CTNNA1: variants seen among roughly 807,000 people sequenced by gnomAD.
CTNNA1 encodes the protein catenin alpha-1.
A neutral mutation model predicts 98.4 loss-of-function variants in CTNNA1; 37 were observed. That is an observed-to-expected ratio of 0.38 (90% CI 0.29 to 0.49). The LOEUF (loss-of-function observed/expected upper bound fraction) is 0.49, where lower values mean the gene tolerates loss of function less well. Among genes scored for constraint, CTNNA1 ranks in the 20% least tolerant of loss-of-function variants. CTNNA1 has a pLI of 0.95. For missense variants in CTNNA1, 761 were observed against 1,147.2 expected, an observed-to-expected ratio of 0.66 and a Z score of 4.86; for synonymous variants, 404 against 413.2, an observed-to-expected ratio of 0.98 and a Z score of 0.27.
intron 10 of CTNNA1, among the ~76,000 whole-genome samples, chr5:138,909,938 A>G (rs575256772): frequency 3.9e-5 from 6 of 152,216 alleles, no homozygotes; most frequent in Middle Eastern, 3.4e-3. Context: ...TTATTTCACA[A>G]TCATGGGACC....
At chr5:138,890,929 C>A (rs141571151) in intron 9 of CTNNA1, among the ~76,000 whole-genome samples, 1 of 152,286 alleles carries the variant, frequency 6.6e-6, no homozygotes, top group African/African-American at 2.4e-5. Flanking sequence ...ATAATACCTC[C>A]CCATCTTAAA....
In CTNNA1 at chr5:138,874,910, ATTC is replaced by A; in HGVS notation, c.1063-11297_1063-11295del. 1 of 1,613,506 alleles carries A rather than the reference ATTC, an allele frequency of 6.2e-7. No homozygotes were observed. The highest frequency in any genetic ancestry group is 1.3e-5 in the African/African-American group (1 of 75,048). Reference sequence around the variant, plus strand: ...GACATATAAATGCACAGACTTACCCATTCTTCTGAGCACATTGGAGGCTGCATT... The same window carrying A: ...GACATATAAATGCACAGACTTACCCATTCTGAGCACATTGGAGGCTGCATT... On this transcript the variant is annotated intron_variant, in intron 7 of 17. Transcript: ENST00000302763. The surrounding 1 kb of genome is among the most constrained non-coding windows in gnomAD (Gnocchi z 4.1).
At chr5:138,927,454 G>T (rs1455258670) in intron 13 of CTNNA1, among the ~76,000 whole-genome samples, 1 of 151,894 alleles carries the variant, frequency 6.6e-6, no homozygotes, top group Non-Finnish European at 1.5e-5. Flanking sequence ...CTTCCCCACG[G>T]CCTCTATGCT....
At chr5:138,876,479 T>C (rs1440993923) in intron 7 of CTNNA1, among the ~76,000 whole-genome samples, 1 of 152,246 alleles carries the variant, frequency 6.6e-6, no homozygotes, top group Non-Finnish European at 1.5e-5. Context: ...ATGTTTAGTG[T>C]TATATAAATG....
intron 3 of CTNNA1, among the ~76,000 whole-genome samples, chr5:138,787,009 G>T (rs1755783595): frequency 6.6e-6 from 1 of 152,222 alleles, no homozygotes; most frequent in Non-Finnish European, 1.5e-5. Context: ...GCCATCCACT[G>T]AAACACTTAA....
chr5:138,818,268 T>G (rs1581142675), intron 5 of CTNNA1, among the ~76,000 whole-genome samples: 2 of 13,512 alleles, frequency 1.5e-4, no homozygotes, highest in South Asian at 5.0e-3. Context: ...CATATCCAGC[T>G]TTTTTTTTTT....
intron 17 of CTNNA1, chr5:138,933,098 C>T: frequency 1.5e-6 from 1 of 669,502 alleles, no homozygotes; most frequent in East Asian, 2.6e-5. Flanking sequence ...GGCACCACTG[C>T]ACTCCCGTCT....
intron 1 of CTNNA1, among the ~76,000 whole-genome samples, chr5:138,757,803 G>A (rs1166817219): frequency 6.6e-6 from 1 of 152,126 alleles, no homozygotes; most frequent in African/African-American, 2.4e-5. Flanking sequence ...GGAGGAAAAA[G>A]TCTTTTCTGC....
intron 3 of CTNNA1, among the ~76,000 whole-genome samples, chr5:138,789,957 T>C (rs924602226): frequency 6.6e-6 from 1 of 152,178 alleles, no homozygotes; most frequent in Non-Finnish European, 1.5e-5. Flanking sequence ...GAAATTTGTC[T>C]CTTGAATTTT....
chr5:138,816,845 T>A (rs1026908252), intron 5 of CTNNA1, among the ~76,000 whole-genome samples: 6 of 152,098 alleles, frequency 3.9e-5, no homozygotes, highest in Non-Finnish European at 7.4e-5. Flanking sequence ...ACTACAGGCA[T>A]GCGCCACCAT....
intron 3 of CTNNA1, among the ~76,000 whole-genome samples, chr5:138,783,911 C>G (rs551629737): frequency 1.3e-5 from 2 of 152,232 alleles, no homozygotes; most frequent in South Asian, 4.1e-4. Flanking sequence ...TGACATAAAT[C>G]TGGGTATAAA....
Position 138,934,246 on chromosome 5 carries a change from G to GTTTAAGTTGATTA in CTNNA1, c.*158_*170dup. 5.1e-6 allele frequency: 3 copies of GTTTAAGTTGATTA among 591,764 alleles called. No homozygotes were observed. The Middle Eastern group carries it at 1.3e-3, about 264-fold the overall frequency. 36.7% of individuals were successfully genotyped at this position (591,764 alleles called of 1,614,324 possible). A position where few individuals can be genotyped will look rare whatever the true frequency, so the allele number is the denominator to read the frequency against. ...AGGTGGTGAATTTTCCAAGAACATA[G>GTTTAAGTTGATTA]TTTAAGTTGATTAAAAATGCTTTTA... On this transcript the variant is annotated 3_prime_UTR_variant, in exon 18 of 18. Coordinates refer to ENST00000302763, the MANE Select transcript of CTNNA1 (RefSeq NM_001903.5).
At position 138,776,038 on chromosome 5, in the gene CTNNA1, T is replaced by TC. The variant is rs1398799344; in HGVS notation, c.-2-5884dup. 1.1e-4 allele frequency among the ~76,000 whole-genome samples: 13 copies of TC among 120,860 alleles called. No homozygotes were observed. In the East Asian group the frequency reaches 2.5e-3, roughly 23 times the overall value. The allele number at this position is 120,860 out of a possible 152,430, so 79.3% of individuals were successfully genotyped here. A position where few individuals can be genotyped will look rare whatever the true frequency, so the allele number is the denominator to read the frequency against. ...ACCATGCCCGGCCTCTGGAAATGTT[T>TC]CTTTTTTTTTTTTTTTTTTTTTTTT... On this transcript the variant is annotated intron_variant, in intron 1 of 17. Coordinates refer to ENST00000302763, the MANE Select transcript of CTNNA1 (RefSeq NM_001903.5).
rs2149785007 is a variant in CTNNA1 at position 138,827,368 on chromosome 5, A to ATGTC, written c.859-147_859-146insTGTC. On this transcript the variant is annotated intron_variant, in intron 6 of 17. Transcript: ENST00000302763. ...AACAGTAGGCCATCTTCTGTGGGAC[A>ATGTC]GCCCCTTACCTGCTAAGAAGTATAA... 3 of 829,576 alleles carry ATGTC rather than the reference A, an allele frequency of 3.6e-6. No homozygotes were observed. The East Asian group carries it at 8.1e-5, about 22-fold the overall frequency. The allele number at this position is 829,576 out of a possible 1,614,324, so 51.4% of individuals were successfully genotyped here.
intron 9 of CTNNA1, among the ~76,000 whole-genome samples, chr5:138,889,091 T>C (rs1202412323): frequency 6.6e-6 from 1 of 152,194 alleles, no homozygotes; most frequent in Non-Finnish European, 1.5e-5. Context: ...GCATGAGGTA[T>C]AACTTCCAGA....
At chr5:138,875,211 C>T (rs140321983) in intron 7 of CTNNA1, 366 of 317,610 alleles carry the variant, frequency 1.2e-3, no homozygotes, top group African/African-American at 7.1e-3. Context: ...GTCTCCTTTC[C>T]GCAGCCGTTA....
intron 2 of CTNNA1, 183 bp downstream of exon 2, chr5:138,782,212 TGTC>T (rs1249931990): frequency 7.6e-6 from 5 of 659,226 alleles, no homozygotes; most frequent in Non-Finnish European, 1.3e-5. Context: ...ACGCTGCTGC[TGTC>T]GTTTTCTTCA....
At chr5:138,931,045 T>C in intron 16 of CTNNA1, 110 bp downstream of exon 16, 1 of 691,792 alleles carries the variant, frequency 1.4e-6, no homozygotes, top group Non-Finnish European at 2.7e-6. Context: ...TTGCCACTCA[T>C]CTCTAAAAAT....
chr5:138,875,810 T>TC, intron 7 of CTNNA1: 4 of 813,256 alleles, frequency 4.9e-6, no homozygotes, highest in Non-Finnish European at 5.9e-6. Flanking sequence ...AAAATCAAAG[T>TC]ATGACTATGA....
Sources: allele counts gnomAD v4.1 joint callset (sites outside exome capture counted in the v4.1 genomes callset), GRCh38; gene constraint gnomAD v4.1.1; non-coding constraint Gnocchi (gnomAD v3.1); transcripts MANE v1.5; gene names NCBI Gene and HGNC (gene_info 2026-07-23, HGNC 2026-07-21).